KCNH5: variants seen among roughly 807,000 people sequenced by gnomAD.
KCNH5 encodes the protein voltage-gated delayed rectifier potassium channel KCNH5.
A neutral mutation model predicts 96.1 loss-of-function variants in KCNH5; 46 were observed. The ratio of observed to expected loss-of-function variants is 0.48; its 90% CI spans 0.38 to 0.61. KCNH5 has a LOEUF of 0.61. Ranked by LOEUF, KCNH5 falls within the 20% of genes least tolerant of loss-of-function variation. The probability of loss-of-function intolerance (pLI) is 0.00; values close to 1 mark genes in which losing one functional copy is unlikely to be tolerated. For synonymous variants in KCNH5, 439 were observed against 449.8 expected (o/e 0.98, Z 0.30); for missense variants, 907 against 1,225.8 (o/e 0.74, Z 3.88).
At chr14:63,021,433 C>A (rs1366318589) in intron 1 of KCNH5, among the ~76,000 whole-genome samples, 2 of 152,160 alleles carry the variant, frequency 1.3e-5, no homozygotes, top group Non-Finnish European at 1.5e-5. Context: ...TCTGCTCATT[C>A]ATGCTGCCCA....
At chr14:62,913,777 C>CA (rs372542591) in intron 7 of KCNH5, among the ~76,000 whole-genome samples, 5 of 151,940 alleles carry the variant, frequency 3.3e-5, no homozygotes, top group African/African-American at 4.8e-5. Flanking sequence ...CAGAGTTTAT[C>CA]AAAAAAATGT....
intron 6 of KCNH5, among the ~76,000 whole-genome samples, chr14:62,980,562 T>C (rs1327482223): frequency 6.6e-6 from 1 of 152,220 alleles, no homozygotes; most frequent in African/African-American, 2.4e-5. Context: ...CAATCTAATA[T>C]CTTCTTTCAA....
chr14:62,839,166 C>G (rs1443985534), intron 8 of KCNH5, among the ~76,000 whole-genome samples: 1 of 152,050 alleles, frequency 6.6e-6, no homozygotes, highest in Non-Finnish European at 1.5e-5. Context: ...TTGATGTTTA[C>G]AAAATCATAC....
chr14:62,943,534 C>A (rs1411487485), intron 7 of KCNH5, among the ~76,000 whole-genome samples: 8 of 152,116 alleles, frequency 5.3e-5, no homozygotes, highest in Non-Finnish European at 1.2e-4. Flanking sequence ...ATTTACCAAG[C>A]AAATTAGCAA....
At chr14:63,037,789 G>A (rs1342600247) in intron 1 of KCNH5, among the ~76,000 whole-genome samples, 1 of 152,136 alleles carries the variant, frequency 6.6e-6, no homozygotes, top group African/African-American at 2.4e-5. Flanking sequence ...GCTGTAAGCT[G>A]CTCCCCAAGG....
chr14:62,773,080 T>C (rs1343531819), intron 10 of KCNH5, among the ~76,000 whole-genome samples: 1 of 152,222 alleles, frequency 6.6e-6, no homozygotes, highest in Non-Finnish European at 1.5e-5. Context: ...CAATCAAGTA[T>C]TGGATTTTAC....
intron 6 of KCNH5, among the ~76,000 whole-genome samples, chr14:62,958,244 T>G (rs1890143701): frequency 6.6e-6 from 1 of 152,234 alleles, no homozygotes; most frequent in Admixed American, 6.5e-5. Flanking sequence ...AAATACTTCA[T>G]GAGAATAAAG....
chr14:62,871,815 T>A (rs1401566203), intron 7 of KCNH5, among the ~76,000 whole-genome samples: 1 of 152,154 alleles, frequency 6.6e-6, no homozygotes, highest in Admixed American at 6.5e-5. Context: ...AGGATTGGTT[T>A]AGGGTGGCTC....
chr14:62,905,455 C>CT (rs528631709), intron 7 of KCNH5, among the ~76,000 whole-genome samples: 68 of 151,890 alleles, frequency 4.5e-4, no homozygotes, highest in Non-Finnish European at 8.4e-4. Context: ...TTATTTTTTC[C>CT]TTTTTTTGCT....
intron 8 of KCNH5, among the ~76,000 whole-genome samples, chr14:62,814,163 A>T (rs1236658128): frequency 6.6e-6 from 1 of 152,240 alleles, no homozygotes; most frequent in African/African-American, 2.4e-5. Context: ...GACTTCATAT[A>T]TAAAAATGAG....
chr14:62,942,682 T>C (rs927898823), intron 7 of KCNH5, among the ~76,000 whole-genome samples: 1 of 152,228 alleles, frequency 6.6e-6, no homozygotes, highest in African/African-American at 2.4e-5. Flanking sequence ...ACCATTTGTC[T>C]ACTGCATTAC....
intron 1 of KCNH5, among the ~76,000 whole-genome samples, chr14:63,031,479 A>G (rs1339095041): frequency 1.3e-5 from 2 of 152,130 alleles, no homozygotes; most frequent in African/African-American, 4.8e-5. Context: ...CAGGAGAAAA[A>G]AAATGATTTC....
intron 7 of KCNH5, among the ~76,000 whole-genome samples, chr14:62,929,923 C>T (rs1162238905): frequency 6.6e-6 from 1 of 152,044 alleles, no homozygotes; most frequent in African/African-American, 2.4e-5. Context: ...CTTAGGATCA[C>T]AGCCTCCAGC....
At chr14:62,890,455 G>C (rs1030495895) in intron 7 of KCNH5, among the ~76,000 whole-genome samples, 2 of 152,048 alleles carry the variant, frequency 1.3e-5, no homozygotes, top group African/African-American at 2.4e-5. Context: ...CAGCACTTTG[G>C]GAGGCCGAGG....
At position 62,947,580 on chromosome 14, in the gene KCNH5, G is replaced by A. The variant is rs140324573; in HGVS notation, c.1369+2553C>T. On this transcript the variant is annotated intron_variant, in intron 7 of 10. Transcript: ENST00000322893. ...TCAATAGCTTTCAGACATTCTAAAT[G>A]ATGAAAACTACCTGCTTAGACTCAA... is the stretch of plus-strand genomic sequence containing the variant. Among the ~76,000 whole-genome samples the A allele has an allele frequency of 3.7e-3, 562 of 152,210 alleles. 3 individuals are homozygous for A. The highest frequency in any genetic ancestry group is 0.012 in the African/African-American group (509 of 41,540).
At chr14:62,710,518 T>C (rs1884545675) in intron 10 of KCNH5, among the ~76,000 whole-genome samples, 1 of 152,220 alleles carries the variant, frequency 6.6e-6, no homozygotes, top group South Asian at 2.1e-4. Flanking sequence ...GCAGATACTA[T>C]TTTCCTATTT....
chr14:62,907,883 G>A (rs1317836696), intron 7 of KCNH5, among the ~76,000 whole-genome samples: 1 of 152,064 alleles, frequency 6.6e-6, no homozygotes, highest in Non-Finnish European at 1.5e-5. Flanking sequence ...ACCAATAGTC[G>A]ATGTTCTCCT....
At chr14:62,956,632 G>C (rs904927349) in intron 6 of KCNH5, among the ~76,000 whole-genome samples, 1 of 147,008 alleles carries the variant, frequency 6.8e-6, no homozygotes, top group Admixed American at 6.8e-5. Flanking sequence ...TGGTGGGGGC[G>C]GGGGGGGGCA....
intron 7 of KCNH5, among the ~76,000 whole-genome samples, chr14:62,934,269 G>A (rs1027680483): frequency 3.3e-5 from 5 of 152,068 alleles, no homozygotes; most frequent in African/African-American, 1.2e-4. Flanking sequence ...TGAGACTACA[G>A]GCGCAAATTT....
Sources: gnomAD v4.1 joint callset for allele counts (sites outside exome capture counted in the v4.1 genomes callset) on GRCh38, gnomAD v4.1.1 for gene constraint, MANE v1.5 for transcripts, NCBI Gene and HGNC (gene_info 2026-07-23, HGNC 2026-07-21) for gene names.